Variants in ICA1 observed in about 807,000 individuals in gnomAD.
ICA1 encodes the protein 69 kDa islet cell autoantigen.
In ICA1, 40 loss-of-function variants were observed where a neutral mutation model predicts 71.0. The ratio of observed to expected loss-of-function variants is 0.56; its 90% CI spans 0.44 to 0.73. The LOEUF (loss-of-function observed/expected upper bound fraction) is 0.73. ICA1 is among the 30% of genes least tolerant of loss of function. The pLI, the probability that ICA1 is intolerant of heterozygous loss-of-function variation, is 0.00. For synonymous variants in ICA1, 207 were observed against 209.5 expected (o/e 0.99, Z 0.10); for missense variants, 578 against 576.5 (o/e 1.00, Z -0.03).
chr7:8,211,463 A>G (rs1793765229), intron 6 of ICA1, among the ~76,000 whole-genome samples: 1 of 152,070 alleles, frequency 6.6e-6, no homozygotes, highest in Non-Finnish European at 1.5e-5. Context: ...TGGTTTGTAG[A>G]TCAGGTCTCA....
chr7:8,150,684 C>T (rs931991434), intron 8 of ICA1, among the ~76,000 whole-genome samples: 3 of 152,250 alleles, frequency 2.0e-5, no homozygotes, highest in Non-Finnish European at 4.4e-5. Flanking sequence ...TCATCCCAAA[C>T]TCTAAAAGAA....
intron 6 of ICA1, among the ~76,000 whole-genome samples, chr7:8,211,495 C>A (rs1793773836): frequency 6.6e-6 from 1 of 151,452 alleles, no homozygotes; most frequent in South Asian, 2.1e-4. Flanking sequence ...GTACCATGGG[C>A]CCTGGATTTC....
intron 1 of ICA1, among the ~76,000 whole-genome samples, chr7:8,238,616 A>C (rs183443148): frequency 6.6e-6 from 1 of 152,276 alleles, no homozygotes; most frequent in African/African-American, 2.4e-5. Flanking sequence ...CACTCTGTTG[A>C]CTATTTCCTT....
At chr7:8,179,284 T>C (rs1027462149) in intron 6 of ICA1, among the ~76,000 whole-genome samples, 12 of 152,186 alleles carry the variant, frequency 7.9e-5, no homozygotes, top group Non-Finnish European at 1.6e-4. Context: ...TAACCTAGCC[T>C]AGCCTATCCT....
In ICA1 at chr7:8,234,404, AC is replaced by A. The variant is rs928623581; in HGVS notation, c.17+1505del. On this transcript the variant is annotated intron_variant, in intron 2 of 13. Transcript: ENST00000402384. This position sits in a 1 kb window ranked among gnomAD's most constrained non-coding sequence, Gnocchi z 4.5. ...AGTCCCTGCCCCAAAGGCTCCCCTG[AC>A]CCCCCCAGGCAACTCTCCTCTGTGG... Among the ~76,000 whole-genome samples, 11 of 150,640 alleles carry A rather than the reference AC, an allele frequency of 7.3e-5. No homozygotes were observed. Among genetic ancestry groups the A allele is most frequent in the Admixed American group, 4.6e-4 (7 of 15,122 alleles).
chr7:8,160,086 A>C (rs1803203813), intron 6 of ICA1, among the ~76,000 whole-genome samples: 1 of 152,176 alleles, frequency 6.6e-6, no homozygotes, highest in Non-Finnish European at 1.5e-5. Context: ...GGTACTGAAT[A>C]CGTATTTGTT....
At position 8,234,589 on chromosome 7, in the gene ICA1, C is replaced by T. The variant is rs1048474249; in HGVS notation, c.17+1321G>A. On this transcript the variant is annotated intron_variant, in intron 2 of 13. Coordinates refer to ENST00000402384, the MANE Select transcript of ICA1 (RefSeq NM_001136020.3). The surrounding 1 kb of genome is among the most constrained non-coding windows in gnomAD (Gnocchi z 4.5). The stretch of plus-strand genomic sequence containing the variant: ...TTAAGTTTACAATTTTCAATTTACA[C>T]ATTTATTCTTAAAAAGCCAGAAGGC... Among the ~76,000 whole-genome samples, 9 of 152,200 alleles carry T rather than the reference C, an allele frequency of 5.9e-5. No homozygotes were observed. Among genetic ancestry groups the T allele is most frequent in the Non-Finnish European group, 1.2e-4 (8 of 68,042 alleles).
At chr7:8,141,352 T>C (rs1211133448) in intron 10 of ICA1, among the ~76,000 whole-genome samples, 1 of 152,194 alleles carries the variant, frequency 6.6e-6, no homozygotes, top group Non-Finnish European at 1.5e-5. Context: ...TTTCCAACAT[T>C]GACAAACATC....
chr7:8,161,529 T>C (rs1421920687), intron 6 of ICA1, among the ~76,000 whole-genome samples: 1 of 152,214 alleles, frequency 6.6e-6, no homozygotes, highest in African/African-American at 2.4e-5. Context: ...TGTTAACAAA[T>C]GTAATGAAAC....
chr7:8,211,091 A>G (rs1793637344), intron 6 of ICA1, among the ~76,000 whole-genome samples: 1 of 152,188 alleles, frequency 6.6e-6, no homozygotes, highest in Non-Finnish European at 1.5e-5. Context: ...CTGTCAGACA[A>G]TCCAGAACGA....
chr7:8,158,514 A>G lies in ICA1; in HGVS notation c.705+13T>C. ...CCATCCTTGGTTCATTGCAACAAAC[A>G]TTATTTTGTTACCTGGTATGTTGCT... On this transcript the variant is annotated intron_variant, in intron 7 of 13. Coordinates refer to ENST00000402384, the MANE Select transcript of ICA1 (RefSeq NM_001136020.3). The G allele has an allele frequency of 5.6e-6, 9 of 1,613,462 alleles. No individual in the cohort carries two copies. The highest frequency in any genetic ancestry group is 7.6e-6 in the Non-Finnish European group (9 of 1,179,728).
chr7:8,124,111 ATTTTTTTTTTTTTTT>A (rs536582712), intron 13 of ICA1, among the ~76,000 whole-genome samples: 2 of 107,412 alleles, frequency 1.9e-5, no homozygotes, highest in Non-Finnish European at 3.7e-5. Context: ...GAATCATACA[ATTTTTTTTTTTTTTT>A]TTTTTTTTTT....
intron 8 of ICA1, among the ~76,000 whole-genome samples, chr7:8,146,093 T>C (rs973583802): frequency 5.9e-5 from 9 of 152,124 alleles, no homozygotes; most frequent in Non-Finnish European, 1.3e-4. Context: ...TAACAAATAG[T>C]TTTTGAGCAC....
intron 8 of ICA1, among the ~76,000 whole-genome samples, chr7:8,147,826 T>A (rs1041103078): frequency 4.6e-5 from 7 of 152,122 alleles, no homozygotes; most frequent in African/African-American, 1.7e-4. Context: ...AATGTCATTT[T>A]GTTATAATGT....
rs1267831519 is a variant in ICA1, at chr7:8,173,553, T to C, written c.580-14901A>G. ...AAACAAACATTTATCCTGCATATCC[T>C]ATCAAACTGTCTGTGCTTCAGGACG... On this transcript the variant is annotated intron_variant, in intron 6 of 13. Coordinates refer to ENST00000402384, the MANE Select transcript of ICA1 (RefSeq NM_001136020.3). This position sits in a 1 kb window ranked among gnomAD's most constrained non-coding sequence, Gnocchi z 4.0. Among the ~76,000 whole-genome samples, 3 of 152,216 alleles carry C rather than the reference T, an allele frequency of 2.0e-5. No individual in the cohort carries two copies. Among genetic ancestry groups the C allele is most frequent in the Non-Finnish European group, 4.4e-5 (3 of 68,030 alleles).
chr7:8,248,876 C>A (rs111515931), intron 1 of ICA1, among the ~76,000 whole-genome samples: 1 of 152,190 alleles, frequency 6.6e-6, no homozygotes, highest in East Asian at 1.9e-4. Flanking sequence ...ATACAATCTA[C>A]GGTACAAATC....
At chr7:8,218,196 T>C in intron 6 of ICA1, 109 bp downstream of exon 6, 2 of 876,848 alleles carry the variant, frequency 2.3e-6, no homozygotes, top group Non-Finnish European at 3.7e-6. Context: ...GATGATTAAT[T>C]GCATCCTTGG....
rs1481057733 is a variant in ICA1 at position 8,254,132 on chromosome 7, G to C, written c.-80+7962C>G. On this transcript the variant is annotated intron_variant, in intron 1 of 13. Transcript: ENST00000402384. ...TCCTCTTTTCACTGAAGGAACTGAG[G>C]GAAATTTGGGGAAATTTCCCAAGTC... is the stretch of plus-strand genomic sequence containing the variant. 2.0e-5 allele frequency among the ~76,000 whole-genome samples: 3 copies of C among 152,032 alleles called. No individual in the cohort carries two copies. In the East Asian group the frequency reaches 5.8e-4, roughly 29 times the overall value.
chr7:8,140,216 G>A (rs887848), intron 10 of ICA1, among the ~76,000 whole-genome samples: 111,443 of 152,124 alleles, frequency 0.73, 41,004 homozygotes, highest in East Asian at 0.93. Flanking sequence ...GATTCGTGCC[G>A]TGGGTACACT....
Sources: gnomAD v4.1 joint callset for allele counts (sites outside exome capture counted in the v4.1 genomes callset) on GRCh38, gnomAD v4.1.1 for gene constraint, Gnocchi (gnomAD v3.1) non-coding constraint, MANE v1.5 for transcripts, NCBI Gene and HGNC (gene_info 2026-07-23, HGNC 2026-07-21) for gene names.